PPARA: variants seen among roughly 807,000 people sequenced by gnomAD.
PPARA encodes the protein peroxisome proliferator activated receptor alpha.
Under a neutral mutation model 42.2 loss-of-function variants are expected in PPARA, and 22 were observed. That is an observed-to-expected ratio of 0.52 (90% confidence interval 0.37 to 0.74). PPARA has a LOEUF of 0.74. Ranked by LOEUF, PPARA falls within the 30% of genes least tolerant of loss-of-function variation. The probability of loss-of-function intolerance (pLI) is 0.00; values close to 1 mark genes in which losing one functional copy is unlikely to be tolerated. For synonymous variants in PPARA, 242 were observed against 239.3 expected (o/e 1.01, Z -0.10); for missense variants, 465 against 608.2 (o/e 0.76, Z 2.48).
chr22:46,194,495 A>T (rs540690777), intron 3 of PPARA, among the ~76,000 whole-genome samples: 1 of 152,178 alleles, frequency 6.6e-6, no homozygotes, highest in Admixed American at 6.5e-5. Context: ...AGTGCTGAGA[A>T]CACGATGGGC....
At chr22:46,170,124 T>C (rs1470683580) in intron 2 of PPARA, among the ~76,000 whole-genome samples, 4 of 152,044 alleles carry the variant, frequency 2.6e-5, no homozygotes, top group South Asian at 2.1e-4. Flanking sequence ...TTTTTTTTTT[T>C]AGAAAAACAT....
At position 46,188,050 on chromosome 22, in the gene PPARA, C is replaced by T. The variant is rs1931052172; in HGVS notation, c.-42-10292C>T. On this transcript the variant is annotated intron_variant, in intron 3 of 8. Coordinates refer to ENST00000407236, the MANE Select transcript of PPARA (RefSeq NM_005036.6). This position sits in a 1 kb window ranked among gnomAD's most constrained non-coding sequence, Gnocchi z 5.0. The stretch of plus-strand genomic sequence containing the variant: ...GAGAAATACCTAGCGAACAGCCTGG[C>T]ACCAGCTACCAGGCATGTGACTGAG... Among the ~76,000 whole-genome samples the T allele has an allele frequency of 6.6e-6, 1 of 152,204 alleles. No homozygotes were observed.
In PPARA at chr22:46,184,407, T is replaced by G. The variant is rs1466901466; in HGVS notation, c.-43+7571T>G. On this transcript the variant is annotated intron_variant, in intron 3 of 8. Transcript: ENST00000407236. The surrounding 1 kb of genome is among the most constrained non-coding windows in gnomAD (Gnocchi z 4.4). Reference sequence around the variant, plus strand: ...TCTCAGAGAGAGACACAGTTACCTTTTAGTTACACTAATGGGGAAAACAGG... The same window carrying G: ...TCTCAGAGAGAGACACAGTTACCTTGTAGTTACACTAATGGGGAAAACAGG... Among the ~76,000 whole-genome samples, 2 of 152,168 alleles carry G rather than the reference T, an allele frequency of 1.3e-5. No homozygotes were observed. Among genetic ancestry groups the G allele is most frequent in the African/African-American group, 2.4e-5 (1 of 41,442 alleles).
rs1361611292 is a variant in PPARA, at chr22:46,224,980, GC to G, written c.711+4968del. Among the ~76,000 whole-genome samples, 1 of 135,290 alleles carries G rather than the reference GC, an allele frequency of 7.4e-6. No individual in the cohort carries two copies. The highest frequency in any genetic ancestry group is 2.6e-4 in the East Asian group (1 of 3,856). 88.8% of individuals were successfully genotyped at this position (135,290 alleles called of 152,430 possible). A position where few individuals can be genotyped will look rare whatever the true frequency, so the allele number is the denominator to read the frequency against. ...GAACAGGCTAGAATGCTGGGGGGGG[GC>G]CTGAAACCGGTGGGGGAGTTGTGGG... On this transcript the variant is annotated intron_variant, in intron 7 of 8. Transcript: ENST00000407236. The surrounding 1 kb of genome is among the most constrained non-coding windows in gnomAD (Gnocchi z 5.7).
At position 46,200,351 on chromosome 22, in the gene PPARA, C is replaced by G. The variant is rs1455643742; in HGVS notation, c.208+1760C>G. 6.6e-6 allele frequency among the ~76,000 whole-genome samples: 1 copy of G among 152,212 alleles called. No homozygotes were observed. The highest frequency in any genetic ancestry group is 1.5e-5 in the Non-Finnish European group (1 of 68,040). On this transcript the variant is annotated intron_variant, in intron 4 of 8. Transcript: ENST00000407236. The surrounding 1 kb of genome is among the most constrained non-coding windows in gnomAD (Gnocchi z 4.8). ...GTACACTTAAACCCAGATGGTAGAG[C>G]CTGCTGCACACCGAGGCTCTGCGGT...
At position 46,218,299 on chromosome 22, in the gene PPARA, T is replaced by C. The variant is rs1467369546; in HGVS notation, c.406T>C (p.Tyr136His). The part of the protein sequence containing the change: ...FRRTIRLKLV[Y>H]DKCDRSCKIQ... ...GCGAACGATTCGACTCAAGCTGGTGTATGACAAGTGCGACCGCAGCTGCAA... is the reference window on the plus strand; with the variant it reads ...GCGAACGATTCGACTCAAGCTGGTGCATGACAAGTGCGACCGCAGCTGCAA... Residue 136 changes from tyrosine to histidine, a missense_variant, in exon 6 of 9, where the codon TAT becomes CAT. By Grantham distance (83) the Tyr-to-His change is moderately conservative (BLOSUM62 2). Around this residue, in one of 2 missense-constraint regions of PPARA, gnomAD observed 313 missense variants for 469.1 expected, o/e 0.67. Coordinates refer to ENST00000407236, the MANE Select transcript of PPARA (RefSeq NM_005036.6). 6.2e-7 allele frequency: 1 copy of C among 1,614,016 alleles called. No homozygotes were observed. The highest frequency in any genetic ancestry group is 8.5e-7 in the Non-Finnish European group (1 of 1,180,038).
chr22:46,157,302 T>C (rs776379287), intron 2 of PPARA, among the ~76,000 whole-genome samples: 1 of 152,170 alleles, frequency 6.6e-6, no homozygotes, highest in Non-Finnish European at 1.5e-5. Flanking sequence ...GAGATGTAGG[T>C]GGGAGCTGGC....
chr22:46,151,199 C>A (rs1313211196), intron 1 of PPARA: 2 of 152,294 alleles, frequency 1.3e-5, no homozygotes, highest in African/African-American at 2.4e-5. Context: ...CGGCTTCTGC[C>A]GTCGGACGGA....
rs1307985299 is a variant in PPARA at position 46,200,220 on chromosome 22, C to A, written c.208+1629C>A. On this transcript the variant is annotated intron_variant, in intron 4 of 8. Transcript: ENST00000407236. This position sits in a 1 kb window ranked among gnomAD's most constrained non-coding sequence, Gnocchi z 4.8. ...TAAAAGACTTCAGCAGTGTGATAAACCTGGGTGGTGTGTACATGGGTATTA... is the reference window on the plus strand; with the variant it reads ...TAAAAGACTTCAGCAGTGTGATAAAACTGGGTGGTGTGTACATGGGTATTA... Among the ~76,000 whole-genome samples, 1 of 152,202 alleles carries A rather than the reference C, an allele frequency of 6.6e-6. No individual in the cohort carries two copies. The highest frequency in any genetic ancestry group is 2.4e-5 in the African/African-American group (1 of 41,458).
chr22:46,207,071 A>T (rs2147467021), intron 4 of PPARA, among the ~76,000 whole-genome samples: 1 of 151,834 alleles, frequency 6.6e-6, no homozygotes, highest in African/African-American at 2.4e-5. Flanking sequence ...AAAAATACAA[A>T]AATTAGCTGG....
chr22:46,167,204 T>G lies in PPARA; in HGVS notation c.-126-9549T>G, dbSNP rs530623883. On this transcript the variant is annotated intron_variant, in intron 2 of 8. Transcript: ENST00000407236. This position sits in a 1 kb window ranked among gnomAD's most constrained non-coding sequence, Gnocchi z 4.1. Reference sequence around the variant, plus strand: ...ATGCAAAAGAACCTCAACCTTCAGCTCACAGCACTACAAACTCATAATTAT... The same window carrying G: ...ATGCAAAAGAACCTCAACCTTCAGCGCACAGCACTACAAACTCATAATTAT... Among the ~76,000 whole-genome samples, 1 of 151,732 alleles carries G rather than the reference T, an allele frequency of 6.6e-6. No homozygotes were observed. The highest frequency in any genetic ancestry group is 1.5e-5 in the Non-Finnish European group (1 of 67,964).
chr22:46,151,464 G>T (rs1248419567), intron 1 of PPARA, among the ~76,000 whole-genome samples: 5 of 152,244 alleles, frequency 3.3e-5, no homozygotes, highest in Non-Finnish European at 7.3e-5. Context: ...AAGTCAGGAG[G>T]GTCGGCCCTG....
rs77535576 is a variant in PPARA, at chr22:46,227,549, G to A, written c.712-4243G>A. Among the ~76,000 whole-genome samples, 2,219 of 152,292 alleles carry A rather than the reference G, an allele frequency of 0.015. 59 individuals carry two copies. Among genetic ancestry groups the A allele is most frequent in the African/African-American group, 0.051 (2,102 of 41,550 alleles). On this transcript the variant is annotated intron_variant, in intron 7 of 8. Coordinates refer to ENST00000407236, the MANE Select transcript of PPARA (RefSeq NM_005036.6). This position sits in a 1 kb window ranked among gnomAD's most constrained non-coding sequence, Gnocchi z 4.3. Reference sequence around the variant, plus strand: ...TTGCGGGCATGAGCTACTGCGCCTGGTCCACATTTAATTTTTTGCAAAAAG... The same window carrying A: ...TTGCGGGCATGAGCTACTGCGCCTGATCCACATTTAATTTTTTGCAAAAAG...
chr22:46,217,652 G>A (rs1934606869), intron 5 of PPARA, among the ~76,000 whole-genome samples: 2 of 152,076 alleles, frequency 1.3e-5, no homozygotes. Flanking sequence ...ACAAGGCTGA[G>A]TAACTCTTTG....
Position 46,163,320 on chromosome 22 carries a change from ACTC to A in PPARA, c.-127+11353_-127+11355del, listed in dbSNP as rs1338889490. ...TAAAGGCATTAAGCGCTCAAGTTAAACTCCTTGTGACCCACATAGGTTAGCAGA... is the reference window on the plus strand; with the variant it reads ...TAAAGGCATTAAGCGCTCAAGTTAAACTTGTGACCCACATAGGTTAGCAGA... On this transcript the variant is annotated intron_variant, in intron 2 of 8. Transcript: ENST00000407236. This position sits in a 1 kb window ranked among gnomAD's most constrained non-coding sequence, Gnocchi z 4.9. 1.3e-5 allele frequency: 2 copies of A among 152,222 alleles called. No homozygotes were observed. The highest frequency in any genetic ancestry group is 2.1e-4 in the South Asian group (1 of 4,812). 9.4% of individuals were successfully genotyped at this position (152,222 alleles called of 1,614,324 possible).
intron 3 of PPARA, among the ~76,000 whole-genome samples, chr22:46,189,853 C>T (rs981207130): frequency 2.6e-5 from 4 of 152,016 alleles, no homozygotes; most frequent in African/African-American, 9.7e-5. Flanking sequence ...ACTACAGGCA[C>T]GTGCCACCAC....
Position 46,235,426 on chromosome 22 carries a change from C to T in PPARA, c.*46C>T, listed in dbSNP as rs778719961. The T allele has an allele frequency of 3.1e-6, 5 of 1,606,316 alleles. No individual in the cohort carries two copies. In the South Asian group the frequency reaches 5.6e-5, roughly 18 times the overall value. On this transcript the variant is annotated 3_prime_UTR_variant, in exon 9 of 9. Coordinates refer to ENST00000407236, the MANE Select transcript of PPARA (RefSeq NM_005036.6). This position sits in a 1 kb window ranked among gnomAD's most constrained non-coding sequence, Gnocchi z 7.0. ...CCTTTTCCAGGAGTTCTGAAGCTGA[C>T]AGCACTACAAAGGAGACGGGGGAGC...
At chr22:46,186,228 A>C (rs979100157) in intron 3 of PPARA, among the ~76,000 whole-genome samples, 1 of 151,934 alleles carries the variant, frequency 6.6e-6, no homozygotes, top group Non-Finnish European at 1.5e-5. Context: ...ACACTGCATC[A>C]TTTTATTTAA....
chr22:46,174,190 AAGAGAGAGAGAG>A (rs150359508), intron 2 of PPARA, among the ~76,000 whole-genome samples: 4 of 126,812 alleles, frequency 3.2e-5, no homozygotes, highest in Non-Finnish European at 6.3e-5. Flanking sequence ...AGAAGGAAGA[AAGAGAGAGAGAG>A]AGAGAGAGAG....
Sources: allele counts gnomAD v4.1 joint callset (sites outside exome capture counted in the v4.1 genomes callset), GRCh38; gene constraint gnomAD v4.1.1; regional missense constraint gnomAD v4.1.1; non-coding constraint Gnocchi (gnomAD v3.1); transcripts MANE v1.5; gene names NCBI Gene and HGNC (gene_info 2026-07-23, HGNC 2026-07-21).